Variants in FOXP2 observed in about 807,000 individuals in gnomAD.
FOXP2 encodes the protein forkhead box P2.
FOXP2 carries 12 observed loss-of-function variants against 115.8 expected under a neutral mutation model. That is an observed-to-expected ratio of 0.10 (90% confidence interval 0.07 to 0.17). The LOEUF is 0.17. FOXP2 is among the 10% of genes least tolerant of loss of function. The probability of loss-of-function intolerance (pLI) is 1.00; values close to 1 mark genes in which losing one functional copy is unlikely to be tolerated. For missense variants in FOXP2, 629 were observed against 843.5 expected, an observed-to-expected ratio of 0.75 and a Z score of 3.15; for synonymous variants, 328 against 297.7, an observed-to-expected ratio of 1.10 and a Z score of -1.05.
chr7:114,531,427 G>T lies in FOXP2; in HGVS notation c.169-3190G>T, dbSNP rs145483875. On this transcript the variant is annotated intron_variant, in intron 2 of 16. Coordinates refer to ENST00000350908, the MANE Select transcript of FOXP2 (RefSeq NM_014491.4). ...AATAAATTGCAAAGATGAACTAAAT[G>T]TCATCTAATTGCTCAGAGACCTGAG... Among the ~76,000 whole-genome samples, 410 of 151,964 alleles carry T rather than the reference G, an allele frequency of 2.7e-3. 3 individuals are homozygous for T. Among genetic ancestry groups the T allele is most frequent in the African/African-American group, 9.5e-3 (396 of 41,524 alleles).
At chr7:114,529,978 C>T (rs565624570) in intron 2 of FOXP2, among the ~76,000 whole-genome samples, 5 of 151,790 alleles carry the variant, frequency 3.3e-5, no homozygotes, top group South Asian at 2.1e-4. Flanking sequence ...TTTTATGTTT[C>T]GTATTCAAAG....
intron 2 of FOXP2, among the ~76,000 whole-genome samples, chr7:114,488,985 G>A (rs888567299): frequency 2.6e-5 from 4 of 152,058 alleles, no homozygotes; most frequent in Non-Finnish European, 5.9e-5. Context: ...AAAACCCACT[G>A]TGATCTCTAA....
At chr7:114,154,563 G>A (rs1286634807) in intron 1 of FOXP2, among the ~76,000 whole-genome samples, 1 of 152,062 alleles carries the variant, frequency 6.6e-6, no homozygotes, top group East Asian at 1.9e-4. Context: ...AGTTAAAAAT[G>A]TGTAAATATA....
At chr7:114,410,362 A>G (rs1793134607), upstream of FOXP2, among the ~76,000 whole-genome samples, 1 of 152,108 alleles carries the variant, frequency 6.6e-6, no homozygotes, top group African/African-American at 2.4e-5. Context: ...TATTAGGGAA[A>G]CATTGTGGCA....
chr7:114,623,336 A>G (rs759322030), intron 3 of FOXP2, among the ~76,000 whole-genome samples: 2 of 151,940 alleles, frequency 1.3e-5, no homozygotes, highest in Non-Finnish European at 2.9e-5. Context: ...TAGTCAAGCT[A>G]GGCGATCAAG....
chr7:114,255,396 C>T (rs978261423), intron 1 of FOXP2, among the ~76,000 whole-genome samples: 1 of 152,204 alleles, frequency 6.6e-6, no homozygotes, highest in African/African-American at 2.4e-5. Flanking sequence ...GAGGTGGAGT[C>T]TACAGATGCA....
intron 2 of FOXP2, among the ~76,000 whole-genome samples, chr7:114,486,474 CT>C (rs1187319447): frequency 1.3e-5 from 2 of 152,156 alleles, no homozygotes; most frequent in East Asian, 1.9e-4. Flanking sequence ...CATTCCACCC[CT>C]GGCCCCTCCC....
intron 2 of FOXP2, among the ~76,000 whole-genome samples, chr7:114,324,452 T>C (rs1797506113): frequency 6.6e-6 from 1 of 151,868 alleles, no homozygotes; most frequent in South Asian, 2.1e-4. Context: ...AGGAAATTTG[T>C]GTTTATATTT....
intron 3 of FOXP2, among the ~76,000 whole-genome samples, chr7:114,608,964 C>T (rs1669299782): frequency 6.6e-6 from 1 of 151,798 alleles, no homozygotes; most frequent in South Asian, 2.1e-4. Context: ...TTTGGAAGGC[C>T]GAGGCGGGCG....
intron 1 of FOXP2, among the ~76,000 whole-genome samples, chr7:114,270,414 C>T (rs902006809): frequency 9.2e-5 from 14 of 152,142 alleles, no homozygotes; most frequent in Admixed American, 7.2e-4. Flanking sequence ...TTCAAAGTGG[C>T]CATGCAATTT....
At chr7:114,091,683 T>C (rs1243051011) in intron 1 of FOXP2, among the ~76,000 whole-genome samples, 2 of 152,008 alleles carry the variant, frequency 1.3e-5, no homozygotes, top group African/African-American at 4.8e-5. Context: ...ATGTTGTAAT[T>C]GTGAACTTTG....
chr7:114,491,452 A>G (rs528433886), intron 2 of FOXP2, among the ~76,000 whole-genome samples: 3 of 151,962 alleles, frequency 2.0e-5, no homozygotes, highest in Non-Finnish European at 2.9e-5. Context: ...CCCATTCTGT[A>G]GGTTGCCTGT....
At chr7:114,327,854 A>G (rs1422320019) in intron 2 of FOXP2, among the ~76,000 whole-genome samples, 1 of 146,990 alleles carries the variant, frequency 6.8e-6, no homozygotes, top group Non-Finnish European at 1.5e-5. Context: ...TTTTCATGAT[A>G]CCATACCATT....
intron 2 of FOXP2, among the ~76,000 whole-genome samples, chr7:114,511,985 T>G (rs1342702978): frequency 6.6e-6 from 1 of 152,168 alleles, no homozygotes; most frequent in Non-Finnish European, 1.5e-5. Context: ...TAAATTGCAA[T>G]TTAAATAATC....
At chr7:114,383,005 G>C (rs1792346564) in intron 2 of FOXP2, among the ~76,000 whole-genome samples, 3 of 152,188 alleles carry the variant, frequency 2.0e-5, no homozygotes, top group African/African-American at 7.2e-5. Context: ...TCTACACTGG[G>C]AACTGCCTGC....
At chr7:114,423,524 A>G (rs1271559085) in intron 1 of FOXP2, among the ~76,000 whole-genome samples, 2 of 151,620 alleles carry the variant, frequency 1.3e-5, no homozygotes, top group Non-Finnish European at 3.0e-5. Context: ...TACAGTTCAG[A>G]CAAACATTAA....
chr7:114,631,719 G>A lies in FOXP2; in HGVS notation c.775+14G>A, dbSNP rs1453025712. 6.2e-7 allele frequency: 1 copy of A among 1,613,036 alleles called. No homozygotes were observed. The highest frequency in any genetic ancestry group is 1.7e-5 in the Admixed American group (1 of 59,986). On this transcript the variant is annotated intron_variant, in intron 6 of 16. Transcript: ENST00000350908. ...CGCTGCCTCAAGGTACATACAAAAT[G>A]TTGTGCACTCTTCATTTCAAATCTT...
intron 1 of FOXP2, among the ~76,000 whole-genome samples, chr7:114,180,510 A>G (rs1793428161): frequency 6.6e-6 from 1 of 151,976 alleles, no homozygotes; most frequent in South Asian, 2.1e-4. Flanking sequence ...ATCTGAATTT[A>G]CAGTTGCCTC....
At chr7:114,595,374 T>G (rs1241096916) in intron 3 of FOXP2, among the ~76,000 whole-genome samples, 1 of 152,054 alleles carries the variant, frequency 6.6e-6, no homozygotes, top group Non-Finnish European at 1.5e-5. Context: ...TTAACGCAGA[T>G]CTAAGGCTCC....
Sources: gnomAD v4.1 joint callset for allele counts (sites outside exome capture counted in the v4.1 genomes callset) on GRCh38, gnomAD v4.1.1 for gene constraint, MANE v1.5 for transcripts, NCBI Gene and HGNC (gene_info 2026-07-23, HGNC 2026-07-21) for gene names.